VPS8: variants seen among roughly 807,000 people sequenced by gnomAD.
VPS8 encodes VPS8 subunit of CORVET complex.
A neutral mutation model predicts 216.4 loss-of-function variants in VPS8; 129 were observed. That is an observed-to-expected ratio of 0.60 (90% CI 0.52 to 0.69). The LOEUF (loss-of-function observed/expected upper bound fraction) is 0.69. Among genes scored for constraint, VPS8 ranks in the 30% least tolerant of loss-of-function variants. The pLI, the probability that VPS8 is intolerant of heterozygous loss-of-function variation, is 0.00. For missense variants in VPS8, 1,531 were observed against 1,683.5 expected (o/e 0.91, Z 1.59); for synonymous variants, 571 against 565.4 (o/e 1.01, Z -0.14).
chr3:184,959,353 T>A (rs1174956678), intron 37 of VPS8, among the ~76,000 whole-genome samples: 2 of 152,174 alleles, frequency 1.3e-5, no homozygotes, highest in Non-Finnish European at 2.9e-5. Context: ...CCAATTTTTC[T>A]GCTACAAACA....
intron 47 of VPS8, among the ~76,000 whole-genome samples, 175 bp downstream of exon 47, chr3:185,048,734 G>A (rs546475486): frequency 6.6e-6 from 1 of 152,252 alleles, no homozygotes; most frequent in South Asian, 2.1e-4. Context: ...TCAGAGCTTG[G>A]CAAAGAGAGC....
chr3:184,977,688 C>G (rs993217984), intron 40 of VPS8, among the ~76,000 whole-genome samples: 1 of 150,912 alleles, frequency 6.6e-6, no homozygotes, highest in South Asian at 2.1e-4. Flanking sequence ...GCTATCCTAG[C>G]ACCCTTTCTT....
chr3:184,848,017 A>G (rs985520381), intron 8 of VPS8, among the ~76,000 whole-genome samples: 2 of 152,012 alleles, frequency 1.3e-5, no homozygotes, highest in Non-Finnish European at 2.9e-5. Context: ...GGTTCAAGCA[A>G]TTCTCCTGCC....
intron 21 of VPS8, among the ~76,000 whole-genome samples, chr3:184,872,814 A>G (rs1028127481): frequency 2.0e-5 from 3 of 152,162 alleles, no homozygotes; most frequent in Non-Finnish European, 4.4e-5. Context: ...TCACATGGCT[A>G]CAGGCTCCAA....
At chr3:184,896,951 T>A (rs1733607588) in intron 23 of VPS8, among the ~76,000 whole-genome samples, 1 of 152,142 alleles carries the variant, frequency 6.6e-6, no homozygotes, top group Non-Finnish European at 1.5e-5. Context: ...TGCAAAGATC[T>A]TGGAAGAGAA....
intron 47 of VPS8, among the ~76,000 whole-genome samples, chr3:185,049,706 C>T (rs1713752434): frequency 6.6e-6 from 1 of 152,202 alleles, no homozygotes. Context: ...CACCTCAATT[C>T]TAGGTGGTCC....
chr3:185,004,327 A>G (rs1577125798), intron 45 of VPS8, among the ~76,000 whole-genome samples: 1 of 152,074 alleles, frequency 6.6e-6, no homozygotes, highest in Non-Finnish European at 1.5e-5. Context: ...AAAAAATACG[A>G]AAACCAGTCA....
intron 36 of VPS8, among the ~76,000 whole-genome samples, chr3:184,942,060 T>C (rs1284211206): frequency 3.3e-5 from 5 of 152,184 alleles, no homozygotes; most frequent in Non-Finnish European, 7.3e-5. Flanking sequence ...TCTAAACTTT[T>C]TGAATTTGAT....
At chr3:184,936,419 G>A in intron 35 of VPS8, 84 bp downstream of exon 35, 3 of 1,263,706 alleles carry the variant, frequency 2.4e-6, no homozygotes, top group South Asian at 2.6e-5. Flanking sequence ...TTTGATTGTA[G>A]TGATTTCTTC....
chr3:184,980,084 G>A (rs893355777), intron 40 of VPS8, among the ~76,000 whole-genome samples: 3 of 152,150 alleles, frequency 2.0e-5, no homozygotes, highest in African/African-American at 7.2e-5. Context: ...GTTTTGGGTT[G>A]GAATTTTTTT....
intron 5 of VPS8, among the ~76,000 whole-genome samples, chr3:184,838,321 T>C (rs187229776): frequency 1.3e-5 from 2 of 152,346 alleles, no homozygotes; most frequent in East Asian, 1.9e-4. Flanking sequence ...TACTTAGTAG[T>C]AGAAACATCT....
chr3:184,922,790 A>G (rs887410154), intron 29 of VPS8, among the ~76,000 whole-genome samples: 1 of 57,496 alleles, frequency 1.7e-5, no homozygotes, highest in Non-Finnish European at 4.1e-5. Flanking sequence ...GAATGGCTGC[A>G]GACAGAGGAA....
chr3:185,013,176 T>C (rs1296094995), intron 45 of VPS8, among the ~76,000 whole-genome samples: 1 of 152,196 alleles, frequency 6.6e-6, no homozygotes, highest in Non-Finnish European at 1.5e-5. Context: ...ATCCACAACC[T>C]TCCAGTGTGG....
intron 34 of VPS8, among the ~76,000 whole-genome samples, chr3:184,931,247 C>A (rs1037904835): frequency 6.6e-6 from 1 of 151,988 alleles, no homozygotes; most frequent in Non-Finnish European, 1.5e-5. Flanking sequence ...TTGTTGAAAT[C>A]TCTTATTTTT....
chr3:184,908,136 G>A (rs552495907), intron 25 of VPS8, among the ~76,000 whole-genome samples: 1 of 152,278 alleles, frequency 6.6e-6, no homozygotes, highest in South Asian at 2.1e-4. Flanking sequence ...CAAATGTCCT[G>A]GGGATAGTGC....
At chr3:185,047,909 A>C (rs77907676) in intron 46 of VPS8, among the ~76,000 whole-genome samples, 1,565 of 152,300 alleles carry the variant, frequency 0.01, 34 homozygotes, top group African/African-American at 0.036. Context: ...CACTGAGAGA[A>C]GAACCGCAGT....
intron 3 of VPS8, among the ~76,000 whole-genome samples, chr3:184,829,250 A>G (rs1004799142): frequency 1.9e-4 from 29 of 152,168 alleles, no homozygotes; most frequent in Middle Eastern, 3.4e-3. Flanking sequence ...GTCTCACTCT[A>G]TCACCCAGGC....
intron 28 of VPS8, among the ~76,000 whole-genome samples, chr3:184,916,532 TATTAA>T (rs1004231297): frequency 5.3e-5 from 8 of 152,166 alleles, no homozygotes; most frequent in African/African-American, 1.9e-4. Flanking sequence ...TATAATAAAC[TATTAA>T]ATTATTTTAA....
chr3:185,035,434 G>T (rs1293666072), intron 46 of VPS8, among the ~76,000 whole-genome samples: 1 of 152,052 alleles, frequency 6.6e-6, no homozygotes, highest in Non-Finnish European at 1.5e-5. Context: ...ATTATTCCTG[G>T]TATACAAGAT....
Sources: gnomAD v4.1 joint callset for allele counts (sites outside exome capture counted in the v4.1 genomes callset) on GRCh38, gnomAD v4.1.1 for gene constraint, MANE v1.5 for transcripts, NCBI Gene and HGNC (gene_info 2026-07-23, HGNC 2026-07-21) for gene names.